ST14: variants seen among roughly 807,000 people sequenced by gnomAD.
ST14 encodes the protein suppressor of tumorigenicity 14 protein.
In ST14, 40 loss-of-function variants were observed where a neutral mutation model predicts 96.5. The observed-to-expected ratio is 0.41, with a 90% confidence interval of 0.32 to 0.54. The LOEUF (loss-of-function observed/expected upper bound fraction) is 0.54, where lower values mean the gene tolerates loss of function less well. Among genes scored for constraint, ST14 ranks in the 20% least tolerant of loss-of-function variants. ST14 has a pLI of 0.17. For synonymous variants in ST14, 506 were observed against 492.1 expected, an observed-to-expected ratio of 1.03 and a Z score of -0.37; for missense variants, 1,066 against 1,188.9, an observed-to-expected ratio of 0.90 and a Z score of 1.52.
chr11:130,204,449 G>C (rs1953465696), intron 16 of ST14, among the ~76,000 whole-genome samples: 1 of 152,210 alleles, frequency 6.6e-6, no homozygotes, highest in Non-Finnish European at 1.5e-5. Context: ...GCGAGATTGG[G>C]CATAGCCTAG....
intron 1 of ST14, among the ~76,000 whole-genome samples, chr11:130,171,424 G>C (rs984058204): frequency 6.6e-6 from 1 of 152,170 alleles, no homozygotes; most frequent in African/African-American, 2.4e-5. Context: ...CTTGGCTTCT[G>C]TGAACAGTGC....
chr11:130,192,608 T>C (rs1199950187), intron 7 of ST14, among the ~76,000 whole-genome samples: 1 of 152,200 alleles, frequency 6.6e-6, no homozygotes, highest in African/African-American at 2.4e-5. Flanking sequence ...GTCAGGCTGG[T>C]CTCGAACTCC....
chr11:130,199,192 G>GGGT, intron 15 of ST14, 123 bp downstream of exon 15: 1 of 1,091,364 alleles, frequency 9.2e-7, no homozygotes. Flanking sequence ...TTGGGTGAGA[G>GGGT]GGTGTGTCTC....
chr11:130,197,760 G>A (rs994394721), intron 11 of ST14, 81 bp from the exon 12 acceptor site: 8 of 1,234,114 alleles, frequency 6.5e-6, no homozygotes, highest in Non-Finnish European at 9.0e-6. Flanking sequence ...TGGCTGGGAG[G>A]TTGGCCCGAG....
intron 1 of ST14, among the ~76,000 whole-genome samples, chr11:130,171,922 GACA>G (rs1279083142): frequency 2.6e-5 from 4 of 152,228 alleles, no homozygotes; most frequent in Non-Finnish European, 5.9e-5. Flanking sequence ...GAGCCACGAA[GACA>G]ACAAGACCCT....
rs555403036 is a variant in ST14 at position 130,195,871 on chromosome 11, A to T, written c.1114-468A>T. Among the ~76,000 whole-genome samples the T allele has an allele frequency of 3.6e-3, 499 of 138,902 alleles. 1 individual carries two copies. The highest frequency in any genetic ancestry group is 0.013 in the African/African-American group (461 of 36,698). 91.1% of individuals were successfully genotyped at this position (138,902 alleles called of 152,430 possible). Reference sequence around the variant, plus strand: ...TTGTCTCAAAAAAAAAAAAAAAGAAAAGAGGCTGGGTGTGGTGGCTCGTGC... The same window carrying T: ...TTGTCTCAAAAAAAAAAAAAAAGAATAGAGGCTGGGTGTGGTGGCTCGTGC... On this transcript the variant is annotated intron_variant, in intron 9 of 18. Transcript: ENST00000278742.
intron 16 of ST14, among the ~76,000 whole-genome samples, chr11:130,206,484 G>A (rs1000619955): frequency 3.3e-5 from 5 of 152,140 alleles, no homozygotes; most frequent in South Asian, 2.1e-4. Flanking sequence ...TGTGGCAGGC[G>A]CGAATGTGGT....
rs2136222356 is a variant in ST14 at position 130,209,426 on chromosome 11, C to A, written c.2270-16C>A. The A allele has an allele frequency of 1.3e-6, 2 of 1,573,152 alleles. No individual in the cohort carries two copies. The highest frequency in any genetic ancestry group is 4.6e-5 in the East Asian group (2 of 43,036). On this transcript the variant is annotated splice_polypyrimidine_tract_variant and intron_variant, in intron 17 of 18. Transcript: ENST00000278742. ...GAAGCAGCCCGGCTCTCAGCCCCGT[C>A]CTGCCCTCTCCCCAGGCACTGGCGC...
At chr11:130,203,531 T>A (rs1477909093) in intron 16 of ST14, among the ~76,000 whole-genome samples, 4 of 152,236 alleles carry the variant, frequency 2.6e-5, no homozygotes, top group African/African-American at 9.6e-5. Flanking sequence ...AAGCAGGAAC[T>A]CCTTCACGAC....
intron 1 of ST14, among the ~76,000 whole-genome samples, chr11:130,165,395 TGAG>T (rs1452215247): frequency 2.0e-5 from 3 of 152,168 alleles, no homozygotes; most frequent in Non-Finnish European, 2.9e-5. Context: ...TTGGCAGTGG[TGAG>T]AAGTGTGTTT....
intron 16 of ST14, among the ~76,000 whole-genome samples, chr11:130,201,258 G>T (rs907617985): frequency 2.0e-5 from 3 of 152,246 alleles, no homozygotes; most frequent in African/African-American, 7.2e-5. Flanking sequence ...AGGAAGGAGT[G>T]TTAGGGCCTG....
chr11:130,162,895 G>C (rs1953008164), intron 1 of ST14, among the ~76,000 whole-genome samples: 1 of 152,188 alleles, frequency 6.6e-6, no homozygotes, highest in African/African-American at 2.4e-5. Flanking sequence ...ATGCAGCCAA[G>C]ACCCGGGGCC....
intron 7 of ST14, among the ~76,000 whole-genome samples, chr11:130,192,420 G>A (rs1351651732): frequency 2.6e-5 from 4 of 152,150 alleles, no homozygotes; most frequent in Admixed American, 6.5e-5. Flanking sequence ...ATGGAATCTC[G>A]CTCTGTCGCC....
At chr11:130,160,840 A>G (rs1952993610) in intron 1 of ST14, among the ~76,000 whole-genome samples, 1 of 152,156 alleles carries the variant, frequency 6.6e-6, no homozygotes, top group South Asian at 2.1e-4. Context: ...CCCGGGCGGG[A>G]CCAGCAGCCA....
chr11:130,199,429 C>G (rs1953405107), intron 15 of ST14, among the ~76,000 whole-genome samples: 1 of 152,192 alleles, frequency 6.6e-6, no homozygotes, highest in Admixed American at 6.5e-5. Flanking sequence ...GTCACCCCTG[C>G]CTGCCCATAC....
At chr11:130,197,137 T>C (rs1241551220) in intron 11 of ST14, among the ~76,000 whole-genome samples, 4 of 152,266 alleles carry the variant, frequency 2.6e-5, no homozygotes, top group Non-Finnish European at 4.4e-5. Context: ...GCAATGTGTT[T>C]TTATTTCAAC....
At chr11:130,203,933 G>A (rs1263764971) in intron 16 of ST14, among the ~76,000 whole-genome samples, 1 of 152,160 alleles carries the variant, frequency 6.6e-6, no homozygotes, top group African/African-American at 2.4e-5. Context: ...GGATTATAAG[G>A]TGTGAGCCAC....
In ST14 at chr11:130,178,802, G is replaced by A. The variant is rs564002567; in HGVS notation, c.82-9312G>A. Reference sequence around the variant, plus strand: ...TCCTTCTGGCGGGGCGGCTGAGGGCGGCGACGGGTCAAAGGGAAAGGTGGG... The same window carrying A: ...TCCTTCTGGCGGGGCGGCTGAGGGCAGCGACGGGTCAAAGGGAAAGGTGGG... On this transcript the variant is annotated intron_variant, in intron 1 of 18. Transcript: ENST00000278742. Among the ~76,000 whole-genome samples, 5 of 152,290 alleles carry A rather than the reference G, an allele frequency of 3.3e-5. No individual in the cohort carries two copies. In the East Asian group the frequency reaches 5.8e-4, roughly 18 times the overall value.
intron 1 of ST14, among the ~76,000 whole-genome samples, chr11:130,165,544 C>G (rs1172163814): frequency 6.6e-6 from 1 of 152,162 alleles, no homozygotes; most frequent in African/African-American, 2.4e-5. Flanking sequence ...CTGGACTTAG[C>G]AATATTTTGG....
Sources: allele counts gnomAD v4.1 joint callset (sites outside exome capture counted in the v4.1 genomes callset), GRCh38; gene constraint gnomAD v4.1.1; transcripts MANE v1.5; gene names NCBI Gene and HGNC (gene_info 2026-07-23, HGNC 2026-07-21).